Variants in COX6B1 observed in about 807,000 individuals in gnomAD.
COX6B1 encodes the protein COX VIb-1.
A neutral mutation model predicts 14.0 loss-of-function variants in COX6B1; 2 were observed. That is an observed-to-expected ratio of 0.14 (90% CI 0.06 to 0.45). The LOEUF is 0.45. Among genes scored for constraint, COX6B1 ranks in the 20% least tolerant of loss-of-function variants. The pLI is 0.98. For synonymous variants in COX6B1, 30 were observed against 39.7 expected, an observed-to-expected ratio of 0.76 and a Z score of 0.92; for missense variants, 81 against 114.2, an observed-to-expected ratio of 0.71 and a Z score of 1.33.
Position 35,658,666 on chromosome 19 carries a change from TC to T in COX6B1, c.*21del. The T allele has an allele frequency of 6.2e-7, 1 of 1,611,798 alleles. No individual in the cohort carries two copies. Among genetic ancestry groups the T allele is most frequent in the South Asian group, 1.1e-5 (1 of 91,022 alleles). On this transcript the variant is annotated 3_prime_UTR_variant, in exon 4 of 4. Coordinates refer to ENST00000649813, the MANE Select transcript of COX6B1 (RefSeq NM_001863.5). ...GATCTGAACTGGCTGCATCTCCCTT[TC>T]CTCTGTCCTCCATCCTTCTCCCAGG...
chr19:35,650,519 CT>C (rs1193169306), intron 1 of COX6B1, among the ~76,000 whole-genome samples: 1 of 152,046 alleles, frequency 6.6e-6, no homozygotes, highest in Admixed American at 6.6e-5. Flanking sequence ...GGAGAGCAGT[CT>C]GACCAACATG....
chr19:35,652,892 G>A (rs970135382), intron 2 of COX6B1, among the ~76,000 whole-genome samples: 18 of 151,812 alleles, frequency 1.2e-4, no homozygotes, highest in South Asian at 2.1e-4. Flanking sequence ...TCTGCCTCCC[G>A]GGTTCAAGTG....
chr19:35,656,821 C>G (rs1444646613), intron 3 of COX6B1, among the ~76,000 whole-genome samples: 1 of 152,180 alleles, frequency 6.6e-6, no homozygotes, highest in South Asian at 2.1e-4. Flanking sequence ...CATGCTAACA[C>G]AACCGTATGA....
chr19:35,651,751 G>A (rs1350976307), intron 2 of COX6B1, among the ~76,000 whole-genome samples: 1 of 151,826 alleles, frequency 6.6e-6, no homozygotes, highest in Non-Finnish European at 1.5e-5. Context: ...TTTTTGTAGA[G>A]AAGAGGTCTC....
At chr19:35,651,569 G>A (rs937476494) in intron 2 of COX6B1, among the ~76,000 whole-genome samples, 2 of 151,696 alleles carry the variant, frequency 1.3e-5, no homozygotes, top group Non-Finnish European at 2.9e-5. Flanking sequence ...TATTATTATG[G>A]TTTGGTTTTG....
chr19:35,649,209 T>TG (rs1388752013), intron 1 of COX6B1, among the ~76,000 whole-genome samples: 1 of 151,976 alleles, frequency 6.6e-6, no homozygotes, highest in Non-Finnish European at 1.5e-5. Flanking sequence ...TGAATTGGGG[T>TG]GGGGGGTGGA....
At position 35,658,708 on chromosome 19, in the gene COX6B1, C is replaced by A; in HGVS notation, c.*61C>A. Reference sequence around the variant, plus strand: ...TTCTCCCAGGATGGTGAAGGGGGACCTGGTACCCAGTGATCCCCACCCCAG... The same window carrying A: ...TTCTCCCAGGATGGTGAAGGGGGACATGGTACCCAGTGATCCCCACCCCAG... On this transcript the variant is annotated 3_prime_UTR_variant, in exon 4 of 4. Coordinates refer to ENST00000649813, the MANE Select transcript of COX6B1 (RefSeq NM_001863.5). 6.8e-7 allele frequency: 1 copy of A among 1,477,500 alleles called. No homozygotes were observed. The highest frequency in any genetic ancestry group is 9.5e-7 in the Non-Finnish European group (1 of 1,056,006). 91.5% of individuals were successfully genotyped at this position (1,477,500 alleles called of 1,614,324 possible).
intron 3 of COX6B1, 89 bp from the exon 4 acceptor site, chr19:35,658,505 T>C: frequency 8.2e-7 from 1 of 1,215,628 alleles, no homozygotes. Context: ...GGATATTGGT[T>C]GAACAAACAG....
At chr19:35,653,338 C>A (rs1599621956) in intron 2 of COX6B1, among the ~76,000 whole-genome samples, 1 of 137,492 alleles carries the variant, frequency 7.3e-6, no homozygotes, top group Non-Finnish European at 1.6e-5. Flanking sequence ...AGTGGTACAA[C>A]CTTGGCTCAC....
chr19:35,657,805 T>C lies in COX6B1; in HGVS notation c.208-789T>C, dbSNP rs147927379. 2.5e-3 allele frequency among the ~76,000 whole-genome samples: 387 copies of C among 152,002 alleles called. 4 individuals are homozygous for C. Among genetic ancestry groups the C allele is most frequent in the African/African-American group, 8.7e-3 (359 of 41,438 alleles). ...CCTAGTAGCTGTGACTACAGGTGCA[T>C]GCCACCATGCCTGGCTAAGTTTTGT... On this transcript the variant is annotated intron_variant, in intron 3 of 3. Coordinates refer to ENST00000649813, the MANE Select transcript of COX6B1 (RefSeq NM_001863.5).
At chr19:35,656,560 A>C (rs1967891394) in intron 3 of COX6B1, among the ~76,000 whole-genome samples, 1 of 147,788 alleles carries the variant, frequency 6.8e-6, no homozygotes, top group South Asian at 2.1e-4. Flanking sequence ...AGCTCACTGC[A>C]ACCTCCGCCT....
intron 3 of COX6B1, among the ~76,000 whole-genome samples, chr19:35,656,646 G>A (rs577346137): frequency 1.3e-5 from 2 of 151,784 alleles, no homozygotes; most frequent in Admixed American, 6.6e-5. Context: ...ATGCCCAGCT[G>A]ATTTTTGTAT....
intron 3 of COX6B1, among the ~76,000 whole-genome samples, chr19:35,655,519 G>A (rs1967879117): frequency 6.6e-6 from 1 of 151,876 alleles, no homozygotes; most frequent in Admixed American, 6.6e-5. Flanking sequence ...CTTCAGTGTG[G>A]ACTTCTAAAT....
chr19:35,656,069 G>C (rs1007919517), intron 3 of COX6B1, among the ~76,000 whole-genome samples: 1 of 152,040 alleles, frequency 6.6e-6, no homozygotes, highest in Non-Finnish European at 1.5e-5. Context: ...GCTCAAAGCA[G>C]TCTGCCTGCC....
intron 2 of COX6B1, among the ~76,000 whole-genome samples, chr19:35,652,317 C>T (rs1004090666): frequency 6.6e-6 from 1 of 152,032 alleles, no homozygotes; most frequent in Non-Finnish European, 1.5e-5. Context: ...AGGCATGAGC[C>T]ACCGCGCCTG....
intron 1 of COX6B1, chr19:35,649,057 C>A: frequency 2.3e-6 from 1 of 426,032 alleles, no homozygotes. Flanking sequence ...CTGTATAGCC[C>A]CACGACTCCT....
intron 2 of COX6B1, among the ~76,000 whole-genome samples, chr19:35,654,029 T>G (rs914904516): frequency 8.5e-5 from 13 of 152,232 alleles, no homozygotes; most frequent in African/African-American, 3.1e-4. Context: ...TTCACCTCTT[T>G]GTGAACTTTA....
intron 2 of COX6B1, 111 bp downstream of exon 2, chr19:35,651,460 T>C: frequency 1.2e-6 from 1 of 804,494 alleles, no homozygotes; most frequent in Non-Finnish European, 2.1e-6. Flanking sequence ...ATCCTTACTC[T>C]GGAAGGCCCA....
At position 35,651,346 on chromosome 19, in the gene COX6B1, C is replaced by T. The variant is rs1418727008; in HGVS notation, c.103C>T (p.Leu35=). ...NQTRNCWQNY[L]DFHRCQKAMT... The stretch of plus-strand genomic sequence containing the variant: ...GACTAGAAACTGCTGGCAGAACTAC[C>T]TGGGTAAGCAGGACCTTTCCCTGGC... The change falls in exon 2 of 4, where the codon CTG becomes TTG. Residue 35 remains leucine, a synonymous_variant. Coordinates refer to ENST00000649813, the MANE Select transcript of COX6B1 (RefSeq NM_001863.5). The T allele has an allele frequency of 6.2e-7, 1 of 1,613,006 alleles. No homozygotes were observed. The highest frequency in any genetic ancestry group is 8.5e-7 in the Non-Finnish European group (1 of 1,179,174).
Sources: allele counts gnomAD v4.1 joint callset (sites outside exome capture counted in the v4.1 genomes callset), GRCh38; gene constraint gnomAD v4.1.1; transcripts MANE v1.5; gene names NCBI Gene and HGNC (gene_info 2026-07-23, HGNC 2026-07-21).